Variants in ODF2 observed in about 807,000 individuals in gnomAD.
ODF2 encodes outer dense fiber protein 2.
In ODF2, 47 loss-of-function variants were observed where a neutral mutation model predicts 110.2. The ratio of observed to expected loss-of-function variants is 0.43; its 90% CI spans 0.34 to 0.54. ODF2 has a LOEUF of 0.54. ODF2 is among the 20% of genes least tolerant of loss of function. The pLI is 0.03. For synonymous variants in ODF2, 352 were observed against 397.7 expected (o/e 0.89, Z 1.37); for missense variants, 812 against 1,054.5 (o/e 0.77, Z 3.19).
Position 128,496,414 on chromosome 9 carries a change from C to G in ODF2, c.2012+273C>G, listed in dbSNP as rs531723111. On this transcript the variant is annotated intron_variant, in intron 18 of 20. Transcript: ENST00000604420. ...CCTGTCCCAAAAGGCATGCCTGGTC[C>G]AGGCCTGCCAGGAGGGCCCAGTTTG... The G allele has an allele frequency of 2.5e-5, 29 of 1,171,652 alleles. No homozygotes were observed. In the East Asian group the frequency reaches 6.6e-4, roughly 27 times the overall value. 72.6% of individuals were successfully genotyped at this position (1,171,652 alleles called of 1,614,324 possible).
intron 4 of ODF2, among the ~76,000 whole-genome samples, chr9:128,465,833 C>T (rs1837711056): frequency 1.3e-5 from 2 of 151,770 alleles, no homozygotes; most frequent in Admixed American, 1.3e-4. Context: ...TATTAAGTTT[C>T]AAAATTTCTT....
At chr9:128,492,596 G>C (rs1359080994) in intron 15 of ODF2, 60 bp downstream of exon 15, 4 of 1,515,496 alleles carry the variant, frequency 2.6e-6, no homozygotes, top group Non-Finnish European at 2.7e-6. Flanking sequence ...CCATCAGACT[G>C]GGGGCTCCCT....
At chr9:128,483,053 G>A (rs954026930) in intron 10 of ODF2, among the ~76,000 whole-genome samples, 166 bp downstream of exon 10, 31 of 151,958 alleles carry the variant, frequency 2.0e-4, no homozygotes, top group Non-Finnish European at 3.7e-4. Context: ...GCGCCACCAC[G>A]CCCAGCTAAT....
rs1479356572 is a variant in ODF2, at chr9:128,489,752, TCA to T, written c.1536+1728_1536+1729del. On this transcript the variant is annotated intron_variant, in intron 14 of 20. Transcript: ENST00000604420. Reference sequence around the variant, plus strand: ...TATACCTTGAAGTAGAATTGCCAGGTCATCATGGGGTGTGCATTAAGTCTATA... The same window carrying T: ...TATACCTTGAAGTAGAATTGCCAGGTTCATGGGGTGTGCATTAAGTCTATA... 9.2e-5 allele frequency among the ~76,000 whole-genome samples: 14 copies of T among 152,294 alleles called. No individual in the cohort carries two copies. The South Asian group carries it at 2.5e-3, about 27-fold the overall frequency.
rs1588822444 is a variant in ODF2 at position 128,471,304 on chromosome 9, T to G, written c.421-4T>G. On this transcript the variant is annotated splice_polypyrimidine_tract_variant and splice_region_variant and intron_variant, in intron 5 of 20. Coordinates refer to ENST00000604420, the Ensembl canonical transcript of ODF2. The stretch of plus-strand genomic sequence containing the variant: ...GTGGCCCCTGCCTGGGTCCCCCTGC[T>G]CAGGTCAAGATGCAAAAAGGTGAGC... 2 of 1,604,330 alleles carry G rather than the reference T, an allele frequency of 1.2e-6. No homozygotes were observed. Among genetic ancestry groups the G allele is most frequent in the African/African-American group, 2.7e-5 (2 of 74,308 alleles).
At position 128,472,212 on chromosome 9, in the gene ODF2, A is replaced by T. The variant is rs117509466; in HGVS notation, c.582-701A>T. Among the ~76,000 whole-genome samples, 1,467 of 152,216 alleles carry T rather than the reference A, an allele frequency of 9.6e-3. 30 individuals carry two copies. Among genetic ancestry groups the T allele is most frequent in the East Asian group, 0.072 (372 of 5,160 alleles). ...GGAGAACTGCTTGATCCTGGGAGGC[A>T]TCTCAAAATTTTTGAGATGGAGTCT... On this transcript the variant is annotated intron_variant, in intron 6 of 20. Transcript: ENST00000604420.
At chr9:128,486,617 C>T (rs530338799) in intron 13 of ODF2, among the ~76,000 whole-genome samples, 9 of 152,230 alleles carry the variant, frequency 5.9e-5, no homozygotes, top group Non-Finnish European at 1.0e-4. Context: ...CTTGAGGCCA[C>T]AGTCTCTGCT....
At position 128,494,345 on chromosome 9, in the gene ODF2, C is replaced by T. The variant is rs1396793510; in HGVS notation, c.1753-165C>T. 2.0e-5 allele frequency among the ~76,000 whole-genome samples: 3 copies of T among 152,160 alleles called. No individual in the cohort carries two copies. The highest frequency in any genetic ancestry group is 2.9e-5 in the Non-Finnish European group (2 of 68,034). On this transcript the variant is annotated intron_variant, in intron 16 of 20. Coordinates refer to ENST00000604420, the Ensembl canonical transcript of ODF2. This position sits in a 1 kb window ranked among gnomAD's most constrained non-coding sequence, Gnocchi z 4.6. ...GGCAAGCCACCTGCTCAATGGCCAG[C>T]GGGGAGTGTAGGCCACACTTCTGCT...
chr9:128,456,014 CG>C, upstream of ODF2: 1 of 1,423,730 alleles, frequency 7.0e-7, no homozygotes, highest in Non-Finnish European at 9.2e-7. Context: ...TCTGGCGGGG[CG>C]GGGCATCTCT....
In ODF2 at chr9:128,494,904, CCTG is replaced by C; in HGVS notation, c.1911+240_1911+242del. The C allele has an allele frequency of 7.4e-7, 1 of 1,359,266 alleles. No individual in the cohort carries two copies. The highest frequency in any genetic ancestry group is 2.5e-5 in the East Asian group (1 of 39,484). The allele number at this position is 1,359,266 out of a possible 1,614,324, so 84.2% of individuals were successfully genotyped here. On this transcript the variant is annotated intron_variant, in intron 17 of 20. Transcript: ENST00000604420. This position sits in a 1 kb window ranked among gnomAD's most constrained non-coding sequence, Gnocchi z 4.6. ...CACTTGCGTGGAGTCACTGGGCCCT[CCTG>C]CTGTTGCCCCCACCCAAGACTGCTG...
chr9:128,487,792 AC>A, intron 13 of ODF2, 97 bp from the exon 14 acceptor site: 3 of 1,299,632 alleles, frequency 2.3e-6, no homozygotes, highest in Non-Finnish European at 3.0e-6. Flanking sequence ...GTCTAAAAAA[AC>A]AAACAAACAA....
At position 128,485,332 on chromosome 9, in the gene ODF2, AG is replaced by A; in HGVS notation, c.1291-31del. The A allele has an allele frequency of 8.3e-7, 1 of 1,200,666 alleles. No individual in the cohort carries two copies. The highest frequency in any genetic ancestry group is 1.5e-5 in the African/African-American group (1 of 66,846). 74.4% of individuals were successfully genotyped at this position (1,200,666 alleles called of 1,614,324 possible). The stretch of plus-strand genomic sequence containing the variant: ...TCCTGGCAGCCTCACCACTGACACT[AG>A]GCTAACAGGCCCTTTTGTCCCGTGT... On this transcript the variant is annotated intron_variant, in intron 12 of 20. Coordinates refer to ENST00000604420, the Ensembl canonical transcript of ODF2. This position sits in a 1 kb window ranked among gnomAD's most constrained non-coding sequence, Gnocchi z 5.0.
Position 128,465,672 on chromosome 9 carries a change from C to T in ODF2, c.250-3511C>T, listed in dbSNP as rs764537373. 2.3e-4 allele frequency among the ~76,000 whole-genome samples: 34 copies of T among 149,794 alleles called. No individual in the cohort carries two copies. The Middle Eastern group carries it at 0.017, about 76-fold the overall frequency. ...AGGAGAATTGCTTGAACCCTGGAGG[C>T]GGAGGTTGCAGTGAGCTGAGATTGC... On this transcript the variant is annotated intron_variant, in intron 4 of 20. Coordinates refer to ENST00000604420, the Ensembl canonical transcript of ODF2.
chr9:128,487,578 G>A (rs1843619324), intron 13 of ODF2, among the ~76,000 whole-genome samples: 1 of 152,052 alleles, frequency 6.6e-6, no homozygotes, highest in South Asian at 2.1e-4. Flanking sequence ...ACGAGGTCAG[G>A]AGATCGAGAC....
At chr9:128,456,589 C>T (rs1005097161) in intron 1 of ODF2, 16 of 1,522,664 alleles carry the variant, frequency 1.1e-5, no homozygotes, top group Middle Eastern at 3.3e-4. Flanking sequence ...GGGTGGCCGT[C>T]CCTTCTCTCC....
intron 18 of ODF2, among the ~76,000 whole-genome samples, chr9:128,496,457 A>G (rs1845570783): frequency 6.6e-6 from 1 of 152,148 alleles, no homozygotes. Context: ...CAGCCAGTAT[A>G]CTGTGGTGGG....
upstream of ODF2, chr9:128,456,112 G>A (rs1834700584): frequency 7.8e-6 from 12 of 1,547,194 alleles, no homozygotes; most frequent in Non-Finnish European, 1.0e-5. Flanking sequence ...TGCCGACCGG[G>A]TGTCGGAAAA....
chr9:128,460,334 A>G lies in ODF2; in HGVS notation c.124-608A>G, dbSNP rs73669909. On this transcript the variant is annotated intron_variant, in intron 3 of 20. Coordinates refer to ENST00000604420, the Ensembl canonical transcript of ODF2. Reference sequence around the variant, plus strand: ...GCAGACCCTCTCTTGAGTGGACCAGAATCTCCCTTGTGGTCTTCTGCTGGG... The same window carrying G: ...GCAGACCCTCTCTTGAGTGGACCAGGATCTCCCTTGTGGTCTTCTGCTGGG... 220 of 1,437,362 alleles carry G rather than the reference A, an allele frequency of 1.5e-4. No individual in the cohort carries two copies. In the African/African-American group the frequency reaches 3.0e-3, roughly 19 times the overall value. The allele number at this position is 1,437,362 out of a possible 1,614,324, so 89.0% of individuals were successfully genotyped here.
intron 14 of ODF2, among the ~76,000 whole-genome samples, chr9:128,488,364 G>A (rs1313138269): frequency 6.6e-6 from 1 of 152,176 alleles, no homozygotes; most frequent in Non-Finnish European, 1.5e-5. Context: ...GGTTGAGGCT[G>A]TGGTGAGCCG....
Sources: gnomAD v4.1 joint callset for allele counts (sites outside exome capture counted in the v4.1 genomes callset) on GRCh38, gnomAD v4.1.1 for gene constraint, Gnocchi (gnomAD v3.1) non-coding constraint, MANE v1.5 for transcripts, NCBI Gene and HGNC (gene_info 2026-07-23, HGNC 2026-07-21) for gene names.